USP37: variants seen among roughly 807,000 people sequenced by gnomAD.
USP37 encodes the protein ubiquitin specific peptidase 37, also known as ubiquitin carboxyl-terminal hydrolase 37.
A neutral mutation model predicts 124.0 loss-of-function variants in USP37; 27 were observed. The ratio of observed to expected loss-of-function variants is 0.22; its 90% CI spans 0.16 to 0.30. The LOEUF (loss-of-function observed/expected upper bound fraction) is 0.30, where lower values mean the gene tolerates loss of function less well. Ranked by LOEUF, USP37 falls within the 10% of genes least tolerant of loss-of-function variation. The pLI is 1.00. For missense variants in USP37, 889 were observed against 1,140.4 expected (o/e 0.78, Z 3.17); for synonymous variants, 365 against 388.0 (o/e 0.94, Z 0.70).
chr2:218,494,166 G>A (rs1275748023), intron 14 of USP37, among the ~76,000 whole-genome samples: 2 of 152,192 alleles, frequency 1.3e-5, no homozygotes, highest in Non-Finnish European at 2.9e-5. Context: ...ACAGACTACT[G>A]ATGCAAAACT....
intron 6 of USP37, among the ~76,000 whole-genome samples, chr2:218,548,362 A>T (rs937448079): frequency 3.3e-5 from 5 of 150,910 alleles, no homozygotes; most frequent in Admixed American, 6.6e-5. Context: ...TATATTTAAG[A>T]CAGAGTCTTA....
At chr2:218,469,030 T>C (rs900806958) in intron 20 of USP37, among the ~76,000 whole-genome samples, 5 of 152,204 alleles carry the variant, frequency 3.3e-5, no homozygotes, top group African/African-American at 1.2e-4. Flanking sequence ...CAGGTAACCC[T>C]GAAGCTTACA....
At chr2:218,509,364 C>T (rs1402838773) in intron 11 of USP37, among the ~76,000 whole-genome samples, 1 of 152,056 alleles carries the variant, frequency 6.6e-6, no homozygotes, top group East Asian at 1.9e-4. Flanking sequence ...ATATATCTAT[C>T]TCAAAGACTT....
intron 10 of USP37, among the ~76,000 whole-genome samples, chr2:218,512,414 A>G (rs1414951631): frequency 1.3e-4 from 20 of 152,182 alleles, no homozygotes; most frequent in Admixed American, 1.3e-3. Flanking sequence ...AGGCTGAGGC[A>G]GGAGAACTGC....
At chr2:218,514,543 A>G (rs1690170497) in intron 10 of USP37, 2 of 152,226 alleles carry the variant, frequency 1.3e-5, no homozygotes, top group African/African-American at 4.8e-5. Context: ...CACAGAGTCT[A>G]TAATGACAAT....
chr2:218,496,642 TTTTCTTTC>T (rs970475058), intron 13 of USP37, among the ~76,000 whole-genome samples: 6 of 151,856 alleles, frequency 4.0e-5, no homozygotes, highest in East Asian at 1.9e-4. Flanking sequence ...CTCCTTAGGT[TTTTCTTTC>T]TTTCTTTCTT....
In USP37 at chr2:218,453,245, T is replaced by G. The variant is rs867552889; in HGVS notation, c.*1685A>C. On this transcript the variant is annotated 3_prime_UTR_variant, in exon 26 of 26. Transcript: ENST00000258399. ...TGTTGCATCTTCTGTGATGATGGTT[T>G]GTGTTTTTTTTGTTTTTGTTTTCGT... 1 of 151,392 alleles carries G rather than the reference T, an allele frequency of 6.6e-6. No homozygotes were observed. Among genetic ancestry groups the G allele is most frequent in the South Asian group, 2.1e-4 (1 of 4,820 alleles). 9.4% of individuals were successfully genotyped at this position (151,392 alleles called of 1,614,324 possible).
intron 4 of USP37, among the ~76,000 whole-genome samples, chr2:218,558,187 A>G (rs1333352305): frequency 6.6e-6 from 1 of 152,150 alleles, no homozygotes; most frequent in Admixed American, 6.5e-5. Context: ...GGGGAAAAAA[A>G]GGAAGAACTA....
At chr2:218,526,033 T>C (rs1342826576) in intron 10 of USP37, among the ~76,000 whole-genome samples, 2 of 152,224 alleles carry the variant, frequency 1.3e-5, no homozygotes, top group Non-Finnish European at 2.9e-5. Context: ...TCTTTTTTTA[T>C]GGCTGCATAG....
intron 1 of USP37, among the ~76,000 whole-genome samples, chr2:218,563,414 C>T (rs2106065122): frequency 6.6e-6 from 1 of 152,312 alleles, no homozygotes; most frequent in South Asian, 2.1e-4. Context: ...ACTAAGAAGT[C>T]AGTGAGAAAG....
At position 218,546,901 on chromosome 2, in the gene USP37, G is replaced by A; in HGVS notation, c.602+18C>T. 1 of 1,600,906 alleles carries A rather than the reference G, an allele frequency of 6.2e-7. No homozygotes were observed. The highest frequency in any genetic ancestry group is 1.1e-5 in the South Asian group (1 of 87,862). ...ATTTACAGATACAGCTAGTGACTAA[G>A]AAAAAAGTCTCTCCTACCGATTTTC... On this transcript the variant is annotated intron_variant, in intron 7 of 25. Coordinates refer to ENST00000258399, the MANE Select transcript of USP37 (RefSeq NM_020935.3).
intron 2 of USP37, among the ~76,000 whole-genome samples, chr2:218,561,682 A>G (rs1051204176): frequency 6.6e-6 from 1 of 151,610 alleles, no homozygotes; most frequent in Admixed American, 6.6e-5. Context: ...CTACCTCCAT[A>G]CACCTTTCAG....
In USP37 at chr2:218,452,193, G is replaced by C. The variant is rs918975485; in HGVS notation, c.*2737C>G. On this transcript the variant is annotated 3_prime_UTR_variant, in exon 26 of 26. Transcript: ENST00000258399. ...AATTGCCATCAAGTTCCAATTCAAT[G>C]TCATTTAAAGTAATGTAACCACACA... The C allele has an allele frequency of 6.6e-6, 1 of 152,078 alleles. No individual in the cohort carries two copies. The highest frequency in any genetic ancestry group is 1.5e-5 in the Non-Finnish European group (1 of 68,014). 9.4% of individuals were successfully genotyped at this position (152,078 alleles called of 1,614,324 possible).
intron 20 of USP37, among the ~76,000 whole-genome samples, chr2:218,468,961 G>A (rs1690523416): frequency 6.6e-6 from 1 of 152,148 alleles, no homozygotes; most frequent in African/African-American, 2.4e-5. Context: ...CCAAAGTGCT[G>A]GGATTATAGG....
rs1689458176 is a variant in USP37 at position 218,450,804 on chromosome 2, C to T, written c.*4126G>A. On this transcript the variant is annotated 3_prime_UTR_variant, in exon 26 of 26. Transcript: ENST00000258399. ...CATACCTATACTTTGAACCTCTGTA[C>T]TTTTAAGAAAAGTCCAATGTTACAA... 6.6e-6 allele frequency: 1 copy of T among 152,194 alleles called. No homozygotes were observed. Among genetic ancestry groups the T allele is most frequent in the African/African-American group, 2.4e-5 (1 of 41,454 alleles). 9.4% of individuals were successfully genotyped at this position (152,194 alleles called of 1,614,324 possible). A position where few individuals can be genotyped will look rare whatever the true frequency, so the allele number is the denominator to read the frequency against.
chr2:218,466,512 G>T (rs901635110), intron 20 of USP37, among the ~76,000 whole-genome samples: 1 of 152,044 alleles, frequency 6.6e-6, no homozygotes, highest in African/African-American at 2.4e-5. Context: ...ACTACTATAT[G>T]TCCTCTGGAA....
At chr2:218,531,612 C>T (rs1459021127) in intron 9 of USP37, among the ~76,000 whole-genome samples, 1 of 152,196 alleles carries the variant, frequency 6.6e-6, no homozygotes, top group African/African-American at 2.4e-5. Flanking sequence ...AAGGCTACAG[C>T]AGACAGTGAT....
chr2:218,533,252 TTTC>T (rs1185603622), intron 9 of USP37, among the ~76,000 whole-genome samples: 5 of 152,168 alleles, frequency 3.3e-5, no homozygotes, highest in Non-Finnish European at 4.4e-5. Context: ...TTTTTTCTGA[TTTC>T]TTCAACAGTG....
intron 20 of USP37, among the ~76,000 whole-genome samples, chr2:218,474,196 TAAG>T (rs986364060): frequency 3.3e-5 from 5 of 152,138 alleles, no homozygotes; most frequent in Non-Finnish European, 5.9e-5. Flanking sequence ...TAAATGCACA[TAAG>T]AAGGCTAGTT....
Sources: gnomAD v4.1 joint callset for allele counts (sites outside exome capture counted in the v4.1 genomes callset) on GRCh38, gnomAD v4.1.1 for gene constraint, MANE v1.5 for transcripts, NCBI Gene and HGNC (gene_info 2026-07-23, HGNC 2026-07-21) for gene names.